PDE11A: variants seen among roughly 807,000 people sequenced by gnomAD.
The protein encoded by PDE11A is phosphodiesterase 11A.
Under a neutral mutation model 100.5 loss-of-function variants are expected in PDE11A, and 100 were observed. The observed-to-expected ratio is 1.00, with a 90% CI of 0.85 to 1.18. The LOEUF (loss-of-function observed/expected upper bound fraction) is 1.18, where lower values mean the gene tolerates loss of function less well. PDE11A is among the 50% of genes most tolerant of loss of function. The pLI, the probability that PDE11A is intolerant of heterozygous loss-of-function variation, is 0.00. For missense variants in PDE11A, 1,141 were observed against 1,152.6 expected, an observed-to-expected ratio of 0.99 and a Z score of 0.15; for synonymous variants, 381 against 420.8, an observed-to-expected ratio of 0.91 and a Z score of 1.16.
chr2:177,837,659 C>T (rs1407646535), intron 6 of PDE11A, among the ~76,000 whole-genome samples: 3 of 152,100 alleles, frequency 2.0e-5, no homozygotes, highest in Non-Finnish European at 4.4e-5. Flanking sequence ...CTTCTAGATT[C>T]TCTTCTTAAA....
At chr2:178,088,224 GA>G (rs1205397157) in intron 2 of PDE11A, among the ~76,000 whole-genome samples, 2 of 152,264 alleles carry the variant, frequency 1.3e-5, no homozygotes, top group African/African-American at 4.8e-5. Flanking sequence ...ATCACAAAGT[GA>G]AAAATGCAAA....
chr2:177,757,802 T>A (rs2082111026), intron 10 of PDE11A, among the ~76,000 whole-genome samples: 1 of 152,150 alleles, frequency 6.6e-6, no homozygotes, highest in Non-Finnish European at 1.5e-5. Context: ...AAATCTGTTT[T>A]GAACTTAGAT....
intron 1 of PDE11A, among the ~76,000 whole-genome samples, chr2:178,020,688 C>T (rs2086396262): frequency 6.6e-6 from 1 of 151,994 alleles, no homozygotes; most frequent in Non-Finnish European, 1.5e-5. Context: ...GCTACTCCTA[C>T]TCGGCAGGCT....
At chr2:178,096,330 A>AT (rs35631942) in intron 2 of PDE11A, among the ~76,000 whole-genome samples, 3,230 of 137,532 alleles carry the variant, frequency 0.023, 103 homozygotes, top group African/African-American at 0.075. Context: ...AGCCCAGCTA[A>AT]TTTTTTTTTT....
rs116513571 is a variant in PDE11A, at chr2:177,715,390, G to A, written c.2044-3512C>T. 6.6e-3 allele frequency among the ~76,000 whole-genome samples: 1,002 copies of A among 151,924 alleles called. 15 individuals carry two copies. Among genetic ancestry groups the A allele is most frequent in the African/African-American group, 0.023 (948 of 41,420 alleles). On this transcript the variant is annotated intron_variant, in intron 12 of 19. Coordinates refer to ENST00000286063, the MANE Select transcript of PDE11A (RefSeq NM_016953.4). ...GCTTTGGGTTGGAACTTTTTTCCCC[G>A]TTCAATTTGTGTGTTAAGCCTAATC...
chr2:177,840,313 C>CT lies in PDE11A; in HGVS notation c.1437_1438insA (p.Ala480SerfsTer11), dbSNP rs775026993. ...ATGTTCACTGGAAGGCCTGTTGAAGCAACCAGCTCAGCAATGCTGTTATTT... is the reference window on the plus strand; with the variant it reads ...ATGTTCACTGGAAGGCCTGTTGAAGCTAACCAGCTCAGCAATGCTGTTATTT... On this transcript the variant is annotated frameshift_variant, in exon 6 of 20. Transcript: ENST00000286063. LOFTEE classifies it high-confidence loss of function. 1.5e-5 allele frequency: 24 copies of CT among 1,613,768 alleles called. No individual in the cohort carries two copies. The African/African-American group carries it at 3.1e-4, about 21-fold the overall frequency.
At chr2:177,992,062 A>G (rs1390142872) in intron 2 of PDE11A, among the ~76,000 whole-genome samples, 2 of 151,380 alleles carry the variant, frequency 1.3e-5, no homozygotes, top group African/African-American at 4.9e-5. Context: ...AAGACTAAAT[A>G]ATATATTACT....
chr2:177,778,345 C>T (rs62183044), intron 9 of PDE11A, among the ~76,000 whole-genome samples: 1 of 152,080 alleles, frequency 6.6e-6, no homozygotes, highest in Admixed American at 6.6e-5. Flanking sequence ...ATTTGGGCAG[C>T]CATTTGCTCC....
intron 2 of PDE11A, among the ~76,000 whole-genome samples, chr2:177,951,596 T>C (rs1367889100): frequency 6.6e-6 from 1 of 152,154 alleles, no homozygotes; most frequent in Admixed American, 6.5e-5. Flanking sequence ...AGAGTAATAG[T>C]GGTAATGAGA....
At chr2:177,866,835 A>C (rs565191140) in intron 5 of PDE11A, among the ~76,000 whole-genome samples, 2 of 152,356 alleles carry the variant, frequency 1.3e-5, no homozygotes, top group South Asian at 4.1e-4. Context: ...CATGGTACTT[A>C]ATAATAACCA....
rs748701289 is a variant in PDE11A, at chr2:177,875,928, C to T, written c.1303-5G>A. On this transcript the variant is annotated splice_region_variant and splice_polypyrimidine_tract_variant and intron_variant, in intron 4 of 19. Coordinates refer to ENST00000286063, the MANE Select transcript of PDE11A (RefSeq NM_016953.4). ...GGATTTGGTAAATTTCACCACCTGT[C>T]GCATAGAAAGATAATAAATCCAGGT... is the stretch of plus-strand genomic sequence containing the variant. 11 of 1,583,820 alleles carry T rather than the reference C, an allele frequency of 6.9e-6. No individual in the cohort carries two copies. The highest frequency in any genetic ancestry group is 6.7e-5 in the African/African-American group (5 of 74,320).
At chr2:177,670,080 C>A (rs1440860953) in intron 17 of PDE11A, among the ~76,000 whole-genome samples, 2 of 152,188 alleles carry the variant, frequency 1.3e-5, no homozygotes, top group African/African-American at 2.4e-5. Flanking sequence ...GGAGGGATAA[C>A]CCCAGGGCAC....
rs938157752 is a variant in PDE11A, at chr2:177,631,188, G to A, written c.2647-1626C>T. On this transcript the variant is annotated intron_variant, in intron 19 of 19. Transcript: ENST00000286063. The stretch of plus-strand genomic sequence containing the variant: ...AACATCTAAAATATGGCTCATGCCT[G>A]TAATCCCAGCACTTTAGGAGGCTGA... Among the ~76,000 whole-genome samples the A allele has an allele frequency of 7.3e-5, 11 of 150,814 alleles. No individual in the cohort carries two copies. In the South Asian group the frequency reaches 2.1e-3, roughly 29 times the overall value.
intron 4 of PDE11A, among the ~76,000 whole-genome samples, chr2:177,876,424 T>C (rs2084242869): frequency 6.7e-6 from 1 of 148,190 alleles, no homozygotes; most frequent in African/African-American, 2.6e-5. Context: ...AGCCACCTTA[T>C]TCAACAATCA....
At chr2:177,819,371 C>A (rs911245234) in intron 7 of PDE11A, among the ~76,000 whole-genome samples, 7 of 152,010 alleles carry the variant, frequency 4.6e-5, no homozygotes, top group African/African-American at 1.7e-4. Context: ...CAGAGAAAGG[C>A]AAATGGATGC....
At position 178,036,713 on chromosome 2, in the gene PDE11A, C is replaced by T. The variant is rs1214127433; in HGVS notation, c.913-22253G>A. On this transcript the variant is annotated intron_variant, in intron 1 of 19. Coordinates refer to ENST00000286063, the MANE Select transcript of PDE11A (RefSeq NM_016953.4). ...GAACGAAAGGAGACCTCAGAAATAA[C>T]ACCACACATCTACAATCATCTGATT... Among the ~76,000 whole-genome samples the T allele has an allele frequency of 2.0e-5, 3 of 152,022 alleles. No homozygotes were observed. The East Asian group carries it at 5.8e-4, about 29-fold the overall frequency.
chr2:177,859,354 G>A (rs569372060), intron 5 of PDE11A, among the ~76,000 whole-genome samples: 16 of 151,484 alleles, frequency 1.1e-4, no homozygotes, highest in African/African-American at 3.9e-4. Flanking sequence ...CCATCAATTG[G>A]TTAATGGATA....
rs2087610305 is a variant in PDE11A, at chr2:178,105,755, G to A, written c.-13-1279C>T. On this transcript the variant is annotated intron_variant, in intron 1 of 20. Transcript: ENST00000358450. ...GCACCCAATATCACCTCACAGCTCT[G>A]AGCCCCTGGGCCAGATCACTTCCTC... 5 of 1,109,190 alleles carry A rather than the reference G, an allele frequency of 4.5e-6. No homozygotes were observed. The East Asian group carries it at 1.2e-4, about 28-fold the overall frequency. 68.7% of individuals were successfully genotyped at this position (1,109,190 alleles called of 1,614,324 possible). A position where few individuals can be genotyped will look rare whatever the true frequency, so the allele number is the denominator to read the frequency against.
chr2:177,939,529 G>GAGGAAGGAAGGAAGGAAGGA (rs72249265), intron 2 of PDE11A, among the ~76,000 whole-genome samples: 46 of 100,796 alleles, frequency 4.6e-4, no homozygotes, highest in Non-Finnish European at 8.2e-4. Flanking sequence ...GGGAGGGAGG[G>GAGGAAGGAAGGAAGGAAGGA]AGGAAGGAAG....
Sources: allele counts gnomAD v4.1 joint callset (sites outside exome capture counted in the v4.1 genomes callset), GRCh38; gene constraint gnomAD v4.1.1; transcripts MANE v1.5; gene names NCBI Gene and HGNC (gene_info 2026-07-23, HGNC 2026-07-21).